THSD7A: variants seen among roughly 807,000 people sequenced by gnomAD.
THSD7A encodes the protein thrombospondin type 1 domain containing 7A.
A neutral mutation model predicts 231.3 loss-of-function variants in THSD7A; 96 were observed. The observed-to-expected ratio is 0.41, with a 90% CI of 0.35 to 0.49. The LOEUF is 0.49. Ranked by LOEUF, THSD7A falls within the 20% of genes least tolerant of loss-of-function variation. The probability of loss-of-function intolerance (pLI) is 0.05; values close to 1 mark genes in which losing one functional copy is unlikely to be tolerated. For missense variants in THSD7A, 2,290 were observed against 2,070.2 expected (o/e 1.11, Z -2.06); for synonymous variants, 940 against 743.3 (o/e 1.26, Z -4.30).
chr7:11,440,559 G>C (rs1199305944), intron 13 of THSD7A, among the ~76,000 whole-genome samples: 1 of 152,024 alleles, frequency 6.6e-6, no homozygotes, highest in Non-Finnish European at 1.5e-5. Context: ...CTTAACAGGA[G>C]TTTGAATGAA....
chr7:11,423,632 G>A (rs557289401), intron 16 of THSD7A, among the ~76,000 whole-genome samples: 2 of 152,214 alleles, frequency 1.3e-5, no homozygotes, highest in South Asian at 2.1e-4. Flanking sequence ...GCCTCCCAAA[G>A]TGGTTGGATG....
At chr7:11,494,958 A>C (rs896731221) in intron 6 of THSD7A, among the ~76,000 whole-genome samples, 1 of 152,104 alleles carries the variant, frequency 6.6e-6, no homozygotes, top group Non-Finnish European at 1.5e-5. Flanking sequence ...AATCAAATGT[A>C]TGAGTTTGGG....
intron 1 of THSD7A, among the ~76,000 whole-genome samples, chr7:11,785,623 T>C (rs1467791845): frequency 6.6e-6 from 1 of 152,178 alleles, no homozygotes; most frequent in Non-Finnish European, 1.5e-5. Context: ...GTACTCTTAG[T>C]ATACTATGTG....
chr7:11,401,654 C>A, intron 23 of THSD7A, 141 bp downstream of exon 23: 2 of 693,754 alleles, frequency 2.9e-6, no homozygotes, highest in Non-Finnish European at 4.3e-6. Context: ...TCAGGTGATC[C>A]GCCCACCTAG....
intron 26 of THSD7A, chr7:11,378,078 C>A (rs1272393937): frequency 6.6e-6 from 1 of 152,016 alleles, no homozygotes; most frequent in Admixed American, 6.6e-5. Context: ...AAGCAAATCA[C>A]CCAAACACTT....
intron 1 of THSD7A, among the ~76,000 whole-genome samples, chr7:11,771,713 G>C (rs1372925355): frequency 6.6e-6 from 1 of 152,024 alleles, no homozygotes; most frequent in African/African-American, 2.4e-5. Context: ...GATAAGGTTT[G>C]GATCTATCTC....
intron 6 of THSD7A, among the ~76,000 whole-genome samples, chr7:11,528,432 C>T (rs1049647471): frequency 3.3e-5 from 5 of 152,178 alleles, no homozygotes; most frequent in East Asian, 3.9e-4. Context: ...CTGCTTGCCT[C>T]GACTGGGAGG....
At chr7:11,804,387 G>A (rs1360909849) in intron 1 of THSD7A, among the ~76,000 whole-genome samples, 1 of 152,106 alleles carries the variant, frequency 6.6e-6, no homozygotes, top group East Asian at 1.9e-4. Flanking sequence ...CACATGATTT[G>A]CATTTTCTAG....
chr7:11,710,203 G>A (rs376909556), intron 1 of THSD7A, among the ~76,000 whole-genome samples: 1 of 150,522 alleles, frequency 6.6e-6, no homozygotes, highest in African/African-American at 2.4e-5. Flanking sequence ...TGGTACTGGT[G>A]CTTGTGGGCC....
At chr7:11,736,415 G>A (rs1174114053) in intron 1 of THSD7A, among the ~76,000 whole-genome samples, 1 of 151,700 alleles carries the variant, frequency 6.6e-6, no homozygotes, top group African/African-American at 2.4e-5. Context: ...GAGCCATGGT[G>A]GTGCCACTGC....
chr7:11,384,406 T>G, intron 23 of THSD7A: 1 of 151,824 alleles, frequency 6.6e-6, no homozygotes, highest in Admixed American at 6.6e-5. Flanking sequence ...CATTTTTGTT[T>G]GTGCTTTTGG....
At chr7:11,598,632 G>C (rs974927832) in intron 2 of THSD7A, among the ~76,000 whole-genome samples, 12 of 152,160 alleles carry the variant, frequency 7.9e-5, no homozygotes, top group African/African-American at 2.9e-4. Context: ...TAGTTTGCAG[G>C]GCTGGGGCAA....
chr7:11,621,464 A>T (rs1325244661), intron 2 of THSD7A, among the ~76,000 whole-genome samples: 2 of 152,110 alleles, frequency 1.3e-5, no homozygotes, highest in African/African-American at 4.8e-5. Context: ...AGAATTTCCA[A>T]CACAATCCTC....
At chr7:11,776,325 T>A (rs1220116050) in intron 1 of THSD7A, among the ~76,000 whole-genome samples, 1 of 152,196 alleles carries the variant, frequency 6.6e-6, no homozygotes, top group African/African-American at 2.4e-5. Flanking sequence ...CATCTGCATA[T>A]GAAATCAGTC....
At chr7:11,459,860 G>T (rs1360644209) in intron 11 of THSD7A, among the ~76,000 whole-genome samples, 1 of 151,634 alleles carries the variant, frequency 6.6e-6, no homozygotes, top group Non-Finnish European at 1.5e-5. Context: ...AGCAAAATAC[G>T]TTTTTTATAA....
At chr7:11,412,464 C>T (rs1215843753) in intron 18 of THSD7A, among the ~76,000 whole-genome samples, 192 bp downstream of exon 18, 3 of 151,890 alleles carry the variant, frequency 2.0e-5, no homozygotes, top group African/African-American at 7.3e-5. Context: ...TTTATTTCCT[C>T]TATCTTAGTG....
At chr7:11,570,859 G>C (rs977823080) in intron 4 of THSD7A, among the ~76,000 whole-genome samples, 1 of 152,182 alleles carries the variant, frequency 6.6e-6, no homozygotes, top group Non-Finnish European at 1.5e-5. Context: ...GGCATGAAAT[G>C]TGAAAAGAAC....
At chr7:11,568,656 C>CAAAAAAAAAAAAAAAAAAA (rs1562728058) in intron 4 of THSD7A, among the ~76,000 whole-genome samples, 1 of 88,622 alleles carries the variant, frequency 1.1e-5, no homozygotes. Flanking sequence ...AAAAAAAAAC[C>CAAAAAAAAAAAAAAAAAAA]AAAATCTGGA....
intron 4 of THSD7A, among the ~76,000 whole-genome samples, chr7:11,559,203 C>A (rs748710326): frequency 3.9e-5 from 6 of 152,144 alleles, no homozygotes; most frequent in Non-Finnish European, 8.8e-5. Context: ...TCCCCTAGAG[C>A]CTCCAGAAAG....
Sources: gnomAD v4.1 joint callset for allele counts (sites outside exome capture counted in the v4.1 genomes callset) on GRCh38, gnomAD v4.1.1 for gene constraint, MANE v1.5 for transcripts, NCBI Gene and HGNC (gene_info 2026-07-23, HGNC 2026-07-21) for gene names.